The following MED14 variants were observed in gnomAD, a reference collection of about 807,000 sequenced individuals.
MED14 encodes the protein mediator of RNA polymerase II transcription subunit 14.
Under a neutral mutation model 109.0 loss-of-function variants are expected in MED14, and 8 were observed. The ratio of observed to expected loss-of-function variants is 0.07; its 90% CI spans 0.04 to 0.13. MED14 has a LOEUF of 0.13. MED14 is among the 10% of genes least tolerant of loss of function. MED14 has a pLI of 1.00. For synonymous variants in MED14, 399 were observed against 408.7 expected (o/e 0.98, Z 0.29); for missense variants, 711 against 1,142.4 (o/e 0.62, Z 5.44).
At chrX:40,655,648 GA>G (rs1431624537) in intron 28 of MED14, among the ~76,000 whole-genome samples, 1 of 112,170 alleles carries the variant, frequency 8.9e-6, no homozygotes, top group Non-Finnish European at 1.9e-5. Flanking sequence ...CTGTGTGAAA[GA>G]TTTTTAAATT....
At chrX:40,721,033 G>A (rs969059376) in intron 3 of MED14, among the ~76,000 whole-genome samples, 1 of 111,301 alleles carries the variant, frequency 9.0e-6, no homozygotes, top group Non-Finnish European at 1.9e-5. Context: ...GCTCTGAAAT[G>A]TGCTGACTTC....
intron 3 of MED14, among the ~76,000 whole-genome samples, chrX:40,715,785 C>CAAAAA (rs1491314503): frequency 2.6e-4 from 1 of 3,821 alleles, no homozygotes. Context: ...GACTCCGTCT[C>CAAAAA]AAAAAAAAAA....
At chrX:40,703,208 G>A (rs1440638597) in intron 11 of MED14, among the ~76,000 whole-genome samples, 1 of 111,880 alleles carries the variant, frequency 8.9e-6, no homozygotes, top group Non-Finnish European at 1.9e-5. Flanking sequence ...TATTAATTTT[G>A]CATAAGGAAA....
intron 1 of MED14, among the ~76,000 whole-genome samples, chrX:40,732,530 AAG>A (rs1932111371): frequency 1.8e-5 from 2 of 109,201 alleles, no homozygotes; most frequent in African/African-American, 6.7e-5. Context: ...AAAAAAAAAA[AAG>A]GTTTGGGAGG....
intron 3 of MED14, among the ~76,000 whole-genome samples, chrX:40,725,088 T>C (rs1931850985): frequency 9.0e-6 from 1 of 111,640 alleles, no homozygotes; most frequent in African/African-American, 3.3e-5. Context: ...CCTAGACACA[T>C]ACAACCTGTG....
At chrX:40,735,638 G>C (rs1602503294), upstream of MED14, 4 of 497,488 alleles carry the variant, frequency 8.0e-6, no homozygotes, top group East Asian at 1.1e-4. Flanking sequence ...GCGGGGATGG[G>C]GGGGAAGCAG....
chrX:40,727,974 T>C (rs1470957438), intron 2 of MED14, among the ~76,000 whole-genome samples: 1 of 112,155 alleles, frequency 8.9e-6, no homozygotes, highest in East Asian at 2.8e-4. Context: ...AGTGGTACTA[T>C]AAAGAGAAGA....
Position 40,659,271 on chromosome X carries a change from T to C in MED14, c.3928A>G (p.Thr1310Ala). Residue 1310 changes from threonine (T) to alanine (A), a missense_variant, in exon 28 of 31, where the codon ACA becomes GCA. Thr to Ala is a moderately conservative substitution (Grantham distance 58). Coordinates refer to ENST00000324817, the MANE Select transcript of MED14 (RefSeq NM_004229.4). ...IAFTKLLGAP[T>A]HILRDCVHIM... Reference sequence around the variant, plus strand: ...TGCACACAATCCCTGAGGATGTGTGTAGGAGCTCCTAATAGCTTGGTGAAG... The same window carrying C: ...TGCACACAATCCCTGAGGATGTGTGCAGGAGCTCCTAATAGCTTGGTGAAG... 8.6e-7 allele frequency: 1 copy of C among 1,165,368 alleles called. No homozygotes were observed. Among genetic ancestry groups the C allele is most frequent in the Middle Eastern group, 2.4e-4 (1 of 4,220 alleles).
rs1928860412 is a variant in MED14, at chrX:40,651,343, T to C, written c.*463A>G. On this transcript the variant is annotated 3_prime_UTR_variant, in exon 31 of 31. Transcript: ENST00000324817. ...TGTGTTTATAACAACTCCCAGAACATTTCATGTAAGGATTCAAAGCGGTCA... is the reference window on the plus strand; with the variant it reads ...TGTGTTTATAACAACTCCCAGAACACTTCATGTAAGGATTCAAAGCGGTCA... 1.3e-6 allele frequency: 1 copy of C among 751,309 alleles called. No individual in the cohort carries two copies. Among genetic ancestry groups the C allele is most frequent in the African/African-American group, 2.3e-5 (1 of 43,699 alleles). 61.9% of individuals were successfully genotyped at this position (751,309 alleles called of 1,213,427 possible).
intron 12 of MED14, among the ~76,000 whole-genome samples, chrX:40,700,675 T>C (rs998302841): frequency 9.0e-6 from 1 of 111,373 alleles, no homozygotes; most frequent in Non-Finnish European, 1.9e-5. Context: ...CTCCACAGAA[T>C]TATATCTAGC....
At chrX:40,683,454 C>CA (rs1930194396) in intron 16 of MED14, among the ~76,000 whole-genome samples, 1 of 112,056 alleles carries the variant, frequency 8.9e-6, no homozygotes, top group Non-Finnish European at 1.9e-5. Flanking sequence ...TTCCCAGCTA[C>CA]AAAATAGAGA....
In MED14 at chrX:40,666,832, G is replaced by A; in HGVS notation, c.3153C>T (p.Ser1051=). 1 of 1,178,230 alleles carries A rather than the reference G, an allele frequency of 8.5e-7. No individual in the cohort carries two copies. The highest frequency in any genetic ancestry group is 1.1e-6 in the Non-Finnish European group (1 of 878,443). ...TQSPGNLHAA[S]SPSGALRAPS... ...GGGCTCTCAAAGCCCCACTGGGGGA[G>A]CTGGCAGCATGCAGATTTCCTAATA... is the stretch of plus-strand genomic sequence containing the variant. Residue 1051 remains serine, a synonymous_variant, in exon 24 of 31, where the codon AGC becomes AGT. Transcript: ENST00000324817.
intron 12 of MED14, among the ~76,000 whole-genome samples, chrX:40,700,067 T>C (rs753929395): frequency 1.6e-3 from 174 of 110,792 alleles, no homozygotes; most frequent in Non-Finnish European, 2.4e-3. Flanking sequence ...GAGAATCCCT[T>C]GAACCCGGGA....
intron 3 of MED14, among the ~76,000 whole-genome samples, chrX:40,717,725 G>A: frequency 9.0e-6 from 1 of 111,426 alleles, no homozygotes; most frequent in Non-Finnish European, 1.9e-5. Flanking sequence ...GTTTCACCAT[G>A]CTGGCCAGGC....
rs1602437524 is a variant in MED14, at chrX:40,651,837, T to G, written c.4334A>C (p.Asn1445Thr). The change falls in exon 31 of 31, where the codon AAT becomes ACT. Residue 1445 changes from asparagine to threonine, a missense_variant. This residue lies in a region of MED14 where 41 missense variants were observed against 66.9 expected (regional missense o/e 0.61). Transcript: ENST00000324817. ...IFAAVRDLMA[N>T]LTLPPGGRP ...ACGCCCACCAGGGGGCAGTGTAAGATTAGCCATTAAATCACGAACAGCTGC... is the reference window on the plus strand; with the variant it reads ...ACGCCCACCAGGGGGCAGTGTAAGAGTAGCCATTAAATCACGAACAGCTGC... The G allele has an allele frequency of 4.2e-6, 5 of 1,199,664 alleles. No homozygotes were observed. The East Asian group carries it at 1.2e-4, about 29-fold the overall frequency.
In MED14 at chrX:40,653,338, C is replaced by T. The variant is rs192237477; in HGVS notation, c.4291+1026G>A. On this transcript the variant is annotated intron_variant, in intron 30 of 30. Transcript: ENST00000324817. ...ATTGTAAGAAGTAGAAGAAGTATTA[C>T]AACAAAAGAAGCACACCCTTCTCTA... Among the ~76,000 whole-genome samples the T allele has an allele frequency of 2.4e-3, 272 of 111,681 alleles. 1 individual carries two copies. Among genetic ancestry groups the T allele is most frequent in the African/African-American group, 8.6e-3 (265 of 30,762 alleles).
chrX:40,654,609 C>T, intron 29 of MED14, 53 bp from the exon 30 acceptor site: 1 of 1,106,247 alleles, frequency 9.0e-7, no homozygotes, highest in Non-Finnish European at 1.2e-6. Flanking sequence ...AAACATCTGT[C>T]TAAATGTATC....
chrX:40,722,622 T>C (rs1422926634), intron 3 of MED14, among the ~76,000 whole-genome samples: 1 of 110,991 alleles, frequency 9.0e-6, no homozygotes, highest in East Asian at 2.8e-4. Flanking sequence ...TACAAGAAGA[T>C]TATAGAACAC....
At chrX:40,734,581 T>A (rs895912456) in intron 1 of MED14, among the ~76,000 whole-genome samples, 14 of 112,512 alleles carry the variant, frequency 1.2e-4, no homozygotes, top group African/African-American at 4.2e-4. Flanking sequence ...TCTGATCCTA[T>A]TCTGAAGGGA....
Sources: gnomAD v4.1 joint callset for allele counts (sites outside exome capture counted in the v4.1 genomes callset) on GRCh38, gnomAD v4.1.1 for gene constraint, gnomAD v4.1.1 regional missense constraint, MANE v1.5 for transcripts, NCBI Gene and HGNC (gene_info 2026-07-23, HGNC 2026-07-21) for gene names.